UBL4A: variants seen among roughly 807,000 people sequenced by gnomAD.
The protein encoded by UBL4A is ubiquitin-like protein 4A.
A neutral mutation model predicts 11.4 loss-of-function variants in UBL4A; 4 were observed. That is an observed-to-expected ratio of 0.35 (90% CI 0.17 to 0.81). The LOEUF (loss-of-function observed/expected upper bound fraction) is 0.81, where lower values mean the gene tolerates loss of function less well. Among genes scored for constraint, UBL4A ranks in the 30% least tolerant of loss-of-function variants. UBL4A has a pLI of 0.52. For missense variants in UBL4A, 112 were observed against 124.9 expected, an observed-to-expected ratio of 0.90 and a Z score of 0.49; for synonymous variants, 72 against 61.2, an observed-to-expected ratio of 1.18 and a Z score of -0.83.
Position 154,485,026 on chromosome X carries a change from A to C in UBL4A, c.*513T>G. ...GTGCCTTGCTGACTCCCTGGCCCCA[A>C]TCTGCTTTTCCATTTGTCGAACGCA... is the stretch of plus-strand genomic sequence containing the variant. On this transcript the variant is annotated 3_prime_UTR_variant, in exon 4 of 4. Transcript: ENST00000369660. 1 of 264,147 alleles carries C rather than the reference A, an allele frequency of 3.8e-6. No individual in the cohort carries two copies. The highest frequency in any genetic ancestry group is 6.7e-6 in the Non-Finnish European group (1 of 148,502). The allele number at this position is 264,147 out of a possible 1,213,427, so 21.8% of individuals were successfully genotyped here.
At position 154,485,653 on chromosome X, in the gene UBL4A, G is replaced by A. The variant is rs782719478; in HGVS notation, c.364-4C>T. 8.3e-7 allele frequency: 1 copy of A among 1,207,344 alleles called. No homozygotes were observed. The highest frequency in any genetic ancestry group is 1.8e-5 in the South Asian group (1 of 56,841). On this transcript the variant is annotated splice_region_variant and splice_polypyrimidine_tract_variant and intron_variant, in intron 3 of 3. Transcript: ENST00000369660. ...GACTCAGGGACCTCTCGTAATCCTG[G>A]GGAGAGAAGGGCAGGAAGATTCAGG...
chrX:154,486,469 G>A, intron 1 of UBL4A, 68 bp downstream of exon 1: 3 of 1,002,772 alleles, frequency 3.0e-6, no homozygotes, highest in Non-Finnish European at 3.8e-6. Flanking sequence ...CCTCGGCCCT[G>A]CCGGTCCCCC....
Position 154,485,294 on chromosome X carries a change from C to A in UBL4A, c.*245G>T. 1 of 500,976 alleles carries A rather than the reference C, an allele frequency of 2.0e-6. No individual in the cohort carries two copies. The highest frequency in any genetic ancestry group is 2.8e-5 in the South Asian group (1 of 36,058). 41.3% of individuals were successfully genotyped at this position (500,976 alleles called of 1,213,427 possible). On this transcript the variant is annotated 3_prime_UTR_variant, in exon 4 of 4. Transcript: ENST00000369660. ...CCTCCTTCTCACACCAAGGCACTTT[C>A]AGAAGCCGCTGGATTCCGACTGGGG...
chrX:154,486,247 G>A lies in UBL4A; in HGVS notation c.135C>T (p.Phe45=). ...NVPVRQQRLL[F]KGKALADGKR... is the part of the protein sequence containing the mutation. ...GGGTACCTGCCAGGGCCTTGCCCTT[G>A]AACAGCAGCCGCTGCTGGCGCACTG... Residue 45 remains phenylalanine, a synonymous_variant, in exon 2 of 4, where the codon TTC becomes TTT. Transcript: ENST00000369660. The A allele has an allele frequency of 8.7e-7, 1 of 1,154,333 alleles. No individual in the cohort carries two copies. The highest frequency in any genetic ancestry group is 1.8e-5 in the African/African-American group (1 of 54,394).
chrX:154,485,694 G>C (rs369240555), intron 3 of UBL4A, 45 bp from the exon 4 acceptor site: 5 of 1,188,065 alleles, frequency 4.2e-6, no homozygotes, highest in South Asian at 1.8e-5. Context: ...CCAGTGGTGG[G>C]GGGGCATACA....
rs782771388 is a variant in UBL4A, at chrX:154,485,531, C to T, written c.*8G>A. The T allele has an allele frequency of 2.5e-6, 3 of 1,208,577 alleles. No homozygotes were observed. Among genetic ancestry groups the T allele is most frequent in the South Asian group, 1.8e-5 (1 of 56,910 alleles). On this transcript the variant is annotated 3_prime_UTR_variant, in exon 4 of 4. Coordinates refer to ENST00000369660, the MANE Select transcript of UBL4A (RefSeq NM_014235.5). Reference sequence around the variant, plus strand: ...TGGCGTTGGGCACCTCCCCATGCTCCGAGAATTCTATTTGGAGAAGCCCTT... The same window carrying T: ...TGGCGTTGGGCACCTCCCCATGCTCTGAGAATTCTATTTGGAGAAGCCCTT...
rs191144001 is a variant in UBL4A at position 154,484,131 on chromosome X, A to G, written c.*1408T>C. The stretch of plus-strand genomic sequence containing the variant: ...TCCAAAATCAATTTCCTGGCACCAC[A>G]CAAACAAGAACACTGGTAAATGTAT... On this transcript the variant is annotated 3_prime_UTR_variant, in exon 4 of 4. Coordinates refer to ENST00000369660, the MANE Select transcript of UBL4A (RefSeq NM_014235.5). 1 of 113,287 alleles carries G rather than the reference A, an allele frequency of 8.8e-6. No homozygotes were observed. Among genetic ancestry groups the G allele is most frequent in the African/African-American group, 3.2e-5 (1 of 31,240 alleles). 9.3% of individuals were successfully genotyped at this position (113,287 alleles called of 1,213,427 possible).
chrX:154,486,075 G>A, intron 2 of UBL4A, 96 bp from the exon 3 acceptor site: 2 of 1,097,349 alleles, frequency 1.8e-6, no homozygotes, highest in Non-Finnish European at 2.5e-6. Context: ...GGAGCGCTGC[G>A]GCATCCGGCT....
At chrX:154,486,513 G>C (rs1603397433) in intron 1 of UBL4A, 24 bp downstream of exon 1, 2 of 1,032,284 alleles carry the variant, frequency 1.9e-6, no homozygotes, top group South Asian at 5.0e-5. Flanking sequence ...CGCCGGACCC[G>C]GCGGCCCGGC....
intron 3 of UBL4A, 40 bp downstream of exon 3, chrX:154,485,731 A>C: frequency 8.4e-7 from 1 of 1,193,842 alleles, no homozygotes; most frequent in Middle Eastern, 2.3e-4. Context: ...GGCTGGGAGC[A>C]ACTGGGCCTG....
At position 154,486,255 on chromosome X, in the gene UBL4A, G is replaced by C; in HGVS notation, c.127C>G (p.Leu43Val). 8.7e-7 allele frequency: 1 copy of C among 1,154,638 alleles called. No individual in the cohort carries two copies. Among genetic ancestry groups the C allele is most frequent in the Non-Finnish European group, 1.2e-6 (1 of 867,402 alleles). Reference protein sequence around the residue: ...KLNVPVRQQRLLFKGKALADG... With the variant: ...KLNVPVRQQRVLFKGKALADG... ...GCCAGGGCCTTGCCCTTGAACAGCA[G>C]CCGCTGCTGGCGCACTGGGACGTTC... Residue 43 changes from leucine to valine, a missense_variant, in exon 2 of 4, where the codon CTG becomes GTG. Leu to Val is a conservative substitution (Grantham distance 32). Transcript: ENST00000369660.
In UBL4A at chrX:154,486,311, G is replaced by T. The variant is rs782165041; in HGVS notation, c.71C>A (p.Ser24Tyr). Residue 24 changes from serine to tyrosine, a missense_variant, in exon 2 of 4, where the codon TCC becomes TAC. By Grantham distance (144) the Ser-to-Tyr change is moderately radical. Coordinates refer to ENST00000369660, the MANE Select transcript of UBL4A (RefSeq NM_014235.5). ...CTCGGAGACCAGCTGCTTCAGCGTG[G>T]ACACCAGCTCGTCCTCTGGCACCTG... is the stretch of plus-strand genomic sequence containing the variant. ...SLQVPEDELV[S>Y]TLKQLVSEKL... The T allele has an allele frequency of 1.7e-6, 2 of 1,149,963 alleles. No individual in the cohort carries two copies. Among genetic ancestry groups the T allele is most frequent in the Non-Finnish European group, 2.3e-6 (2 of 864,978 alleles). The allele number at this position is 1,149,963 out of a possible 1,213,427, so 94.8% of individuals were successfully genotyped here.
At chrX:154,486,087 T>C in intron 2 of UBL4A, 108 bp from the exon 3 acceptor site, 1 of 1,055,298 alleles carries the variant, frequency 9.5e-7, no homozygotes, top group Non-Finnish European at 1.3e-6. Context: ...CATCCGGCTG[T>C]GAGGCATGCG....
In UBL4A at chrX:154,485,030, G is replaced by C; in HGVS notation, c.*509C>G. The C allele has an allele frequency of 3.6e-6, 1 of 274,438 alleles. No individual in the cohort carries two copies. Among genetic ancestry groups the C allele is most frequent in the South Asian group, 6.2e-5 (1 of 16,260 alleles). The allele number at this position is 274,438 out of a possible 1,213,427, so 22.6% of individuals were successfully genotyped here. ...CTTGCTGACTCCCTGGCCCCAATCT[G>C]CTTTTCCATTTGTCGAACGCACACT... On this transcript the variant is annotated 3_prime_UTR_variant, in exon 4 of 4. Transcript: ENST00000369660.
chrX:154,484,581 G>T lies in UBL4A; in HGVS notation c.*958C>A, dbSNP rs1461907943. The T allele has an allele frequency of 1.8e-5, 2 of 112,821 alleles. No individual in the cohort carries two copies. Among genetic ancestry groups the T allele is most frequent in the Non-Finnish European group, 3.8e-5 (2 of 53,323 alleles). The allele number at this position is 112,821 out of a possible 1,213,427, so 9.3% of individuals were successfully genotyped here. A position where few individuals can be genotyped will look rare whatever the true frequency, so the allele number is the denominator to read the frequency against. ...TTCTGCCCCCACCCTGGCACCCCAA[G>T]GTTTCTTCTCAGGCAACAAGGAGCA... On this transcript the variant is annotated 3_prime_UTR_variant, in exon 4 of 4. Coordinates refer to ENST00000369660, the MANE Select transcript of UBL4A (RefSeq NM_014235.5).
chrX:154,483,910 A>T lies in UBL4A; in HGVS notation c.*1629T>A, dbSNP rs1223815954. ...AGAGGGAGGCAGAAGACACTGGGTG[A>T]AATTGCTCACCTGCTGCCAATGCCA... On this transcript the variant is annotated 3_prime_UTR_variant, in exon 4 of 4. Transcript: ENST00000369660. The T allele has an allele frequency of 2.7e-5, 3 of 112,711 alleles. No individual in the cohort carries two copies. The highest frequency in any genetic ancestry group is 9.7e-5 in the African/African-American group (3 of 31,000). The allele number at this position is 112,711 out of a possible 1,213,427, so 9.3% of individuals were successfully genotyped here.
chrX:154,485,691 TG>T, intron 3 of UBL4A, 42 bp from the exon 4 acceptor site: 8 of 1,079,569 alleles, frequency 7.4e-6, no homozygotes, highest in South Asian at 5.6e-5. Flanking sequence ...CTGCCAGTGG[TG>T]GGGGGGCATA....
Position 154,483,981 on chromosome X carries a change from A to T in UBL4A, c.*1558T>A, listed in dbSNP as rs1175386324. 8.8e-6 allele frequency: 1 copy of T among 113,488 alleles called. No homozygotes were observed. Among genetic ancestry groups the T allele is most frequent in the Non-Finnish European group, 1.9e-5 (1 of 53,453 alleles). The allele number at this position is 113,488 out of a possible 1,213,427, so 9.4% of individuals were successfully genotyped here. On this transcript the variant is annotated 3_prime_UTR_variant, in exon 4 of 4. Transcript: ENST00000369660. ...TTCATAAGCCAAGAAATTTCCGTTA[A>T]CTGATTAAACAAATTGCCTTTATTG...
At chrX:154,486,397 C>T in intron 1 of UBL4A, 64 bp from the exon 2 acceptor site, 5 of 1,034,527 alleles carry the variant, frequency 4.8e-6, no homozygotes, top group Non-Finnish European at 6.3e-6. Flanking sequence ...GAAGCCCACG[C>T]GTCCGCCCCC....
Sources: allele counts gnomAD v4.1 joint callset, GRCh38; gene constraint gnomAD v4.1.1; transcripts MANE v1.5; gene names NCBI Gene and HGNC (gene_info 2026-07-23, HGNC 2026-07-21).